The following CTNNA3 variants were observed in gnomAD, a reference collection of about 807,000 sequenced individuals.
CTNNA3 encodes the protein catenin alpha 3, also known as catenin alpha-3.
In CTNNA3, 76 loss-of-function variants were observed where a neutral mutation model predicts 95.7. That is an observed-to-expected ratio of 0.79 (90% CI 0.66 to 0.96). The LOEUF is 0.96. CTNNA3 is among the 40% of genes least tolerant of loss of function. The probability of loss-of-function intolerance (pLI) is 0.00; values close to 1 mark genes in which losing one functional copy is unlikely to be tolerated. For synonymous variants in CTNNA3, 431 were observed against 374.4 expected (o/e 1.15, Z -1.74); for missense variants, 1,191 against 1,089.8 (o/e 1.09, Z -1.31).
intron 7 of CTNNA3, among the ~76,000 whole-genome samples, chr10:67,110,419 A>G (rs1858862736): frequency 6.6e-6 from 1 of 152,176 alleles, no homozygotes; most frequent in Admixed American, 6.5e-5. Context: ...TAAGATTAGC[A>G]TGAAATACTG....
At chr10:66,942,642 T>C (rs944466292) in intron 7 of CTNNA3, among the ~76,000 whole-genome samples, 23 of 151,658 alleles carry the variant, frequency 1.5e-4, no homozygotes, top group African/African-American at 5.3e-4. Flanking sequence ...TTCCCTTTTT[T>C]CTCCTTCCTC....
intron 5 of CTNNA3, among the ~76,000 whole-genome samples, chr10:67,402,313 C>T (rs1844952313): frequency 6.6e-6 from 1 of 152,144 alleles, no homozygotes; most frequent in African/African-American, 2.4e-5. Flanking sequence ...GAAGTATTAA[C>T]AGCAGAATAG....
chr10:66,323,218 A>G (rs1385290036), intron 12 of CTNNA3, among the ~76,000 whole-genome samples: 1 of 152,092 alleles, frequency 6.6e-6, no homozygotes, highest in Non-Finnish European at 1.5e-5. Context: ...GTCTCAATAA[A>G]TTAATCTGCC....
chr10:66,462,731 A>C (rs2093538142), intron 11 of CTNNA3, among the ~76,000 whole-genome samples: 1 of 152,144 alleles, frequency 6.6e-6, no homozygotes, highest in African/African-American at 2.4e-5. Context: ...AGATACTAAT[A>C]GTATATTTCA....
intron 5 of CTNNA3, among the ~76,000 whole-genome samples, chr10:67,257,936 T>A (rs1866429582): frequency 6.6e-6 from 1 of 152,154 alleles, no homozygotes; most frequent in Non-Finnish European, 1.5e-5. Flanking sequence ...TCACAAAGTT[T>A]AACAAAACTG....
chr10:67,603,804 A>G (rs1210396578), intron 3 of CTNNA3, among the ~76,000 whole-genome samples: 1 of 152,120 alleles, frequency 6.6e-6, no homozygotes, highest in Non-Finnish European at 1.5e-5. Flanking sequence ...AGAAGGAAAA[A>G]TATTTTTAAA....
At chr10:66,913,253 A>AG (rs1846309758) in intron 7 of CTNNA3, among the ~76,000 whole-genome samples, 1 of 149,632 alleles carries the variant, frequency 6.7e-6, no homozygotes, top group Non-Finnish European at 1.5e-5. Context: ...AAAAAAAAAA[A>AG]AAAAAAAAAA....
At chr10:67,449,422 A>C (rs2132956366) in intron 5 of CTNNA3, among the ~76,000 whole-genome samples, 1 of 152,264 alleles carries the variant, frequency 6.6e-6, no homozygotes, top group South Asian at 2.1e-4. Flanking sequence ...ATATTACCCA[A>C]TTTCAAACTA....
At position 67,680,455 on chromosome 10, in the gene CTNNA3, G is replaced by A. The variant is rs566174066; in HGVS notation, c.-6+15545C>T. On this transcript the variant is annotated intron_variant, in intron 1 of 17. Transcript: ENST00000433211. Reference sequence around the variant, plus strand: ...CATGGCTTGGGTGAGATTTTAGAACGTCACAGGAATCAGATCCTTCTAGGA... The same window carrying A: ...CATGGCTTGGGTGAGATTTTAGAACATCACAGGAATCAGATCCTTCTAGGA... Among the ~76,000 whole-genome samples, 6 of 152,238 alleles carry A rather than the reference G, an allele frequency of 3.9e-5. No homozygotes were observed. The South Asian group carries it at 8.3e-4, about 21-fold the overall frequency.
At chr10:67,000,222 T>C (rs891856460) in intron 7 of CTNNA3, among the ~76,000 whole-genome samples, 1 of 152,186 alleles carries the variant, frequency 6.6e-6, no homozygotes, top group Non-Finnish European at 1.5e-5. Flanking sequence ...AATCTTTAGA[T>C]AAATTACTAA....
intron 7 of CTNNA3, among the ~76,000 whole-genome samples, chr10:67,048,382 CATG>C (rs1358580958): frequency 3.3e-5 from 5 of 152,068 alleles, no homozygotes; most frequent in African/African-American, 1.2e-4. Flanking sequence ...AAATTCCTTA[CATG>C]ATGATCAACA....
chr10:66,318,574 A>G (rs1002577301), intron 12 of CTNNA3, among the ~76,000 whole-genome samples: 1 of 151,836 alleles, frequency 6.6e-6, no homozygotes, highest in African/African-American at 2.4e-5. Context: ...CATCCATGCT[A>G]TTGCCAAAAT....
intron 16 of CTNNA3, among the ~76,000 whole-genome samples, chr10:65,983,941 T>C (rs943086356): frequency 9.2e-5 from 14 of 151,370 alleles, no homozygotes; most frequent in African/African-American, 3.1e-4. Context: ...AATCTAATTG[T>C]TTCATTCTTT....
chr10:67,588,320 C>T (rs760683297), intron 3 of CTNNA3, among the ~76,000 whole-genome samples: 7 of 150,958 alleles, frequency 4.6e-5, no homozygotes, highest in East Asian at 2.0e-4. Flanking sequence ...CTGGTGTAAC[C>T]GTTGTTTCTA....
intron 6 of CTNNA3, among the ~76,000 whole-genome samples, chr10:67,208,609 C>T (rs1223751466): frequency 6.6e-6 from 1 of 152,100 alleles, no homozygotes; most frequent in Non-Finnish European, 1.5e-5. Context: ...GACAGACCAA[C>T]ATTCATCTTA....
chr10:67,186,728 A>G (rs1366501604), intron 6 of CTNNA3, among the ~76,000 whole-genome samples: 2 of 152,172 alleles, frequency 1.3e-5, no homozygotes, highest in African/African-American at 4.8e-5. Context: ...AAGACAATCA[A>G]TAGGATATTG....
chr10:67,061,753 G>A (rs1392099900), intron 7 of CTNNA3, among the ~76,000 whole-genome samples: 1 of 152,146 alleles, frequency 6.6e-6, no homozygotes, highest in African/African-American at 2.4e-5. Flanking sequence ...TTTCTAAATA[G>A]TTGATGCATT....
At chr10:67,530,501 A>G (rs1217041029) in intron 4 of CTNNA3, among the ~76,000 whole-genome samples, 1 of 152,186 alleles carries the variant, frequency 6.6e-6, no homozygotes, top group Non-Finnish European at 1.5e-5. Context: ...GGAAATTTGA[A>G]CTTGAGAAAG....
At position 66,572,461 on chromosome 10, in the gene CTNNA3, G is replaced by A. The variant is rs1267149630; in HGVS notation, c.1374+49231C>T. Among the ~76,000 whole-genome samples, 3 of 151,396 alleles carry A rather than the reference G, an allele frequency of 2.0e-5. No individual in the cohort carries two copies. The East Asian group carries it at 5.8e-4, about 29-fold the overall frequency. On this transcript the variant is annotated intron_variant, in intron 10 of 17. Coordinates refer to ENST00000433211, the MANE Select transcript of CTNNA3 (RefSeq NM_013266.4). ...GCATACATACCTAGACAAACTATATGTCTATCTCTACATCTACCTATCTAT... is the reference window on the plus strand; with the variant it reads ...GCATACATACCTAGACAAACTATATATCTATCTCTACATCTACCTATCTAT...
Sources: allele counts gnomAD v4.1 joint callset (sites outside exome capture counted in the v4.1 genomes callset), GRCh38; gene constraint gnomAD v4.1.1; transcripts MANE v1.5; gene names NCBI Gene and HGNC (gene_info 2026-07-23, HGNC 2026-07-21).